The following TBC1D2B variants were observed in gnomAD, a reference collection of about 807,000 sequenced individuals.
The protein encoded by TBC1D2B is TBC1 domain family, member 2B.
Under a neutral mutation model 100.8 loss-of-function variants are expected in TBC1D2B, and 64 were observed. The observed-to-expected ratio is 0.64, with a 90% CI of 0.52 to 0.78. The LOEUF (loss-of-function observed/expected upper bound fraction) is 0.78. Ranked by LOEUF, TBC1D2B falls within the 30% of genes least tolerant of loss-of-function variation. The pLI, the probability that TBC1D2B is intolerant of heterozygous loss-of-function variation, is 0.00. For synonymous variants in TBC1D2B, 480 were observed against 479.7 expected, an observed-to-expected ratio of 1.00 and a Z score of -0.01; for missense variants, 1,052 against 1,218.4, an observed-to-expected ratio of 0.86 and a Z score of 2.03.
chr15:78,040,900 A>AAGAAAGAAAGAAAGAAAGAG (rs1567026354), intron 3 of TBC1D2B, among the ~76,000 whole-genome samples: 5 of 147,246 alleles, frequency 3.4e-5, no homozygotes, highest in African/African-American at 1.2e-4. Flanking sequence ...GAGAGAAAGA[A>AAGAAAGAAAGAAAGAAAGAG]AGAAAGAAAG....
intron 4 of TBC1D2B, among the ~76,000 whole-genome samples, chr15:78,029,480 G>T (rs1191659108): frequency 1.3e-5 from 2 of 152,196 alleles, no homozygotes; most frequent in Non-Finnish European, 2.9e-5. Flanking sequence ...ATATAATAAA[G>T]AAGTTGTAGT....
At chr15:78,004,493 C>T (rs16969397) in intron 10 of TBC1D2B, among the ~76,000 whole-genome samples, 8,785 of 152,260 alleles carry the variant, frequency 0.058, 360 homozygotes, top group East Asian at 0.24. Context: ...AAGACGCTAT[C>T]CTGTCAGCCA....
At chr15:78,052,373 T>C (rs1258365123) in intron 2 of TBC1D2B, among the ~76,000 whole-genome samples, 2 of 152,262 alleles carry the variant, frequency 1.3e-5, no homozygotes, top group African/African-American at 2.4e-5. Flanking sequence ...ACAACCACCC[T>C]GCTTGACTAG....
intron 3 of TBC1D2B, among the ~76,000 whole-genome samples, chr15:78,032,378 C>G (rs2072837916): frequency 6.6e-6 from 1 of 151,702 alleles, no homozygotes; most frequent in Non-Finnish European, 1.5e-5. Flanking sequence ...TTTAATACAT[C>G]CGAGAACAAA....
In TBC1D2B at chr15:78,025,439, G is replaced by C; in HGVS notation, c.906C>G (p.Arg302=). ...ACGACCCAATTATGTCTTTCAAAGG[G>C]CGCTTTCCTTTGTAGGGGTTACGTC... is the stretch of plus-strand genomic sequence containing the variant. ...DFGRNPYKGK[R]PLKDIIGSYK... The change falls in exon 5 of 13, where the codon CGC becomes CGG. Residue 302 remains arginine, a synonymous_variant. Coordinates refer to ENST00000300584, the MANE Select transcript of TBC1D2B (RefSeq NM_144572.2). The C allele has an allele frequency of 1.2e-6, 2 of 1,613,906 alleles. No individual in the cohort carries two copies. The highest frequency in any genetic ancestry group is 1.7e-6 in the Non-Finnish European group (2 of 1,179,880).
At chr15:78,023,728 C>G (rs2072576995) in intron 6 of TBC1D2B, among the ~76,000 whole-genome samples, 1 of 152,224 alleles carries the variant, frequency 6.6e-6, no homozygotes, top group South Asian at 2.1e-4. Flanking sequence ...CCCCAGCTAA[C>G]CCCATACTAG....
At chr15:78,031,627 A>G (rs1369855471) in intron 3 of TBC1D2B, among the ~76,000 whole-genome samples, 1 of 151,644 alleles carries the variant, frequency 6.6e-6, no homozygotes, top group Non-Finnish European at 1.5e-5. Context: ...TGCAGTGGAA[A>G]TATGACAAAA....
At chr15:78,029,212 A>G (rs916438186) in intron 4 of TBC1D2B, among the ~76,000 whole-genome samples, 22 of 151,744 alleles carry the variant, frequency 1.4e-4, no homozygotes, top group African/African-American at 5.3e-4. Context: ...GCCCCCCACC[A>G]CGCCCAGCTA....
intron 2 of TBC1D2B, among the ~76,000 whole-genome samples, chr15:78,049,558 T>TC (rs1338748773): frequency 1.3e-5 from 2 of 151,616 alleles, no homozygotes; most frequent in Non-Finnish European, 2.9e-5. Flanking sequence ...GGTGGGGGTT[T>TC]CCCTCTTTTC....
At chr15:78,006,584 G>A (rs2072074476) in intron 10 of TBC1D2B, among the ~76,000 whole-genome samples, 1 of 152,188 alleles carries the variant, frequency 6.6e-6, no homozygotes. Context: ...GGAGGCCGTG[G>A]GCACAGACAG....
chr15:78,060,854 T>C (rs1045880571), intron 1 of TBC1D2B, among the ~76,000 whole-genome samples: 13 of 149,932 alleles, frequency 8.7e-5, no homozygotes, highest in Non-Finnish European at 3.0e-5. Context: ...GAAGCGGAGG[T>C]TGCAGTGAGC....
intron 5 of TBC1D2B, 23 bp downstream of exon 5, chr15:78,025,236 C>A: frequency 6.2e-7 from 1 of 1,603,868 alleles, no homozygotes; most frequent in Non-Finnish European, 8.5e-7. Flanking sequence ...TGGGGTAAGA[C>A]AGAAGCCAGA....
chr15:77,998,952 A>G (rs956243675), intron 12 of TBC1D2B: 3 of 180,934 alleles, frequency 1.7e-5, no homozygotes, highest in Admixed American at 5.7e-5. Flanking sequence ...TCAAGGCTCC[A>G]ATTTTCAATA....
intron 2 of TBC1D2B, among the ~76,000 whole-genome samples, chr15:78,052,731 T>A (rs1281887573): frequency 6.6e-6 from 1 of 152,222 alleles, no homozygotes; most frequent in Non-Finnish European, 1.5e-5. Flanking sequence ...CCAAAGGCAC[T>A]GGCTATGCTC....
intron 10 of TBC1D2B, 95 bp downstream of exon 10, chr15:78,008,902 A>G (rs1596307895): frequency 3.6e-6 from 3 of 838,882 alleles, no homozygotes; most frequent in East Asian, 5.3e-5. Context: ...CACATACACA[A>G]AGCAACCCCT....
intron 3 of TBC1D2B, among the ~76,000 whole-genome samples, chr15:78,031,246 A>C (rs1005839980): frequency 3.3e-5 from 5 of 152,222 alleles, no homozygotes; most frequent in African/African-American, 1.2e-4. Flanking sequence ...AAGGTAAAGA[A>C]GAATAGGATC....
At chr15:78,056,686 C>CTTTTTTTTTTTTTTT (rs368714497) in intron 1 of TBC1D2B, among the ~76,000 whole-genome samples, 1 of 112,900 alleles carries the variant, frequency 8.9e-6, no homozygotes, top group African/African-American at 4.0e-5. Flanking sequence ...CAGTCCTCCT[C>CTTTTTTTTTTTTTTT]TTTTTTTTTT....
chr15:78,019,714 CCT>C (rs75996364), intron 6 of TBC1D2B, among the ~76,000 whole-genome samples: 21,556 of 151,760 alleles, frequency 0.14, 1,793 homozygotes, highest in Non-Finnish European at 0.19. Context: ...ATGGCGAAAC[CCT>C]GTCTCTACTA....
At chr15:78,045,499 A>C (rs538439643) in intron 2 of TBC1D2B, among the ~76,000 whole-genome samples, 1 of 152,368 alleles carries the variant, frequency 6.6e-6, no homozygotes, top group African/African-American at 2.4e-5. Flanking sequence ...TCTCTAAGAA[A>C]GTGGGAGAAA....
Sources: allele counts gnomAD v4.1 joint callset (sites outside exome capture counted in the v4.1 genomes callset), GRCh38; gene constraint gnomAD v4.1.1; transcripts MANE v1.5; gene names NCBI Gene and HGNC (gene_info 2026-07-23, HGNC 2026-07-21).